The following TBCEL variants were observed in gnomAD, a reference collection of about 807,000 sequenced individuals.
The protein encoded by TBCEL is tubulin-specific chaperone cofactor E-like protein.
Under a neutral mutation model 44.2 loss-of-function variants are expected in TBCEL, and 15 were observed. The observed-to-expected ratio is 0.34, with a 90% CI of 0.23 to 0.52. The LOEUF (loss-of-function observed/expected upper bound fraction) is 0.52. Among genes scored for constraint, TBCEL ranks in the 20% least tolerant of loss-of-function variants. The pLI, the probability that TBCEL is intolerant of heterozygous loss-of-function variation, is 0.95. For missense variants in TBCEL, 319 were observed against 506.3 expected (o/e 0.63, Z 3.55); for synonymous variants, 171 against 185.4 (o/e 0.92, Z 0.63).
rs150919365 is a variant in TBCEL, at chr11:121,060,166, C to T, written c.956+81C>T. ...CTCTAGTGTTAGAGCAAAATCTAAT[C>T]ATTTGTTATTGGACCCTTCTTAGAG... On this transcript the variant is annotated intron_variant, in intron 8 of 8. Transcript: ENST00000683345. 7.9e-3 allele frequency: 7,483 copies of T among 943,234 alleles called. 37 individuals are homozygous for T. Among genetic ancestry groups the T allele is most frequent in the Non-Finnish European group, 0.011 (6,352 of 600,446 alleles). 58.4% of individuals were successfully genotyped at this position (943,234 alleles called of 1,614,324 possible).
Position 121,059,963 on chromosome 11 carries a change from T to G in TBCEL, c.840-6T>G. On this transcript the variant is annotated splice_polypyrimidine_tract_variant and splice_region_variant and intron_variant, in intron 7 of 8. Transcript: ENST00000683345. ...AAAATGTCTTTATTTTGGTTTTAAC[T>G]TATAGATTGCCATCAGTTTCCAAAC... 6.2e-7 allele frequency: 1 copy of G among 1,600,838 alleles called. No individual in the cohort carries two copies. Among genetic ancestry groups the G allele is most frequent in the Non-Finnish European group, 8.5e-7 (1 of 1,170,752 alleles).
intron 8 of TBCEL, among the ~76,000 whole-genome samples, chr11:121,061,376 G>A (rs1260765220): frequency 6.6e-6 from 1 of 151,912 alleles, no homozygotes; most frequent in African/African-American, 2.4e-5. Context: ...TATGTAGACA[G>A]ACACACACAT....
chr11:121,034,332 T>C (rs1400602469), intron 1 of TBCEL, among the ~76,000 whole-genome samples: 1 of 152,194 alleles, frequency 6.6e-6, no homozygotes, highest in Non-Finnish European at 1.5e-5. Context: ...AAAAATCATA[T>C]ATTCAGTATG....
At chr11:121,066,862 C>T (rs1351269036) in intron 8 of TBCEL, among the ~76,000 whole-genome samples, 1 of 152,154 alleles carries the variant, frequency 6.6e-6, no homozygotes, top group Non-Finnish European at 1.5e-5. Flanking sequence ...TTCAGTGTCT[C>T]ATATAAAATT....
chr11:121,037,299 A>T (rs778600526), intron 2 of TBCEL, among the ~76,000 whole-genome samples: 4 of 152,242 alleles, frequency 2.6e-5, no homozygotes, highest in Non-Finnish European at 5.9e-5. Flanking sequence ...GAATTGGCTA[A>T]CTATAATTCT....
Position 121,057,701 on chromosome 11 carries a change from T to G in TBCEL, c.713-644T>G. On this transcript the variant is annotated intron_variant, in intron 6 of 8. Coordinates refer to ENST00000683345, the MANE Select transcript of TBCEL (RefSeq NM_001363644.2). ...CAGTATCACAATTATTTACATTGTA[T>G]TAGCTATTAAAAGTAACCTAGAGAT... The G allele has an allele frequency of 6.9e-6, 3 of 435,356 alleles. No individual in the cohort carries two copies. In the Admixed American group the frequency reaches 7.5e-5, roughly 11 times the overall value. 27.0% of individuals were successfully genotyped at this position (435,356 alleles called of 1,614,324 possible). A position where few individuals can be genotyped will look rare whatever the true frequency, so the allele number is the denominator to read the frequency against.
At chr11:121,049,852 C>T (rs745692383) in intron 4 of TBCEL, among the ~76,000 whole-genome samples, 7 of 151,670 alleles carry the variant, frequency 4.6e-5, no homozygotes, top group Admixed American at 2.0e-4. Context: ...CAGCATTTTT[C>T]CCTGCTTAGA....
At chr11:121,077,977 G>A (rs932011828) in intron 8 of TBCEL, among the ~76,000 whole-genome samples, 4 of 151,786 alleles carry the variant, frequency 2.6e-5, no homozygotes, top group South Asian at 2.1e-4. Context: ...GTTAGAGAAC[G>A]TACGTTTTAC....
intron 1 of TBCEL, among the ~76,000 whole-genome samples, chr11:121,028,872 T>C (rs931313099): frequency 6.6e-6 from 1 of 152,226 alleles, no homozygotes; most frequent in Non-Finnish European, 1.5e-5. Context: ...TTTAGAAGAA[T>C]TGGTATCAAA....
chr11:121,075,128 C>T (rs1946010014), intron 8 of TBCEL, among the ~76,000 whole-genome samples: 1 of 151,850 alleles, frequency 6.6e-6, no homozygotes. Flanking sequence ...TCTGGAGGAC[C>T]TCATTCAACA....
chr11:121,053,667 A>G lies in TBCEL; in HGVS notation c.390A>G (p.Lys130=). ...CTGGGTCCTTCTCTGGGGTTCGCAA[A>G]CTTGTCCTCAACAACAGCAAAGCTT... is the stretch of plus-strand genomic sequence containing the variant. ...TCAGSFSGVR[K]LVLNNSKASW... is the part of the protein sequence containing the mutation. The change falls in exon 5 of 9, where the codon AAA becomes AAG. Residue 130 remains lysine, a synonymous_variant. Transcript: ENST00000683345. 1 of 1,612,294 alleles carries G rather than the reference A, an allele frequency of 6.2e-7. No individual in the cohort carries two copies. The highest frequency in any genetic ancestry group is 8.5e-7 in the Non-Finnish European group (1 of 1,178,960).
intron 8 of TBCEL, among the ~76,000 whole-genome samples, chr11:121,077,330 G>A (rs973898636): frequency 6.6e-6 from 1 of 152,024 alleles, no homozygotes; most frequent in African/African-American, 2.4e-5. Context: ...CATGATTCAA[G>A]TTATCTGTTT....
chr11:121,029,528 T>C (rs1021727134), intron 1 of TBCEL, among the ~76,000 whole-genome samples: 1 of 152,224 alleles, frequency 6.6e-6, no homozygotes, highest in Non-Finnish European at 1.5e-5. Context: ...AAGTAACTTG[T>C]TCAAATTACA....
At chr11:121,079,849 C>G (rs1221619017) in intron 8 of TBCEL, among the ~76,000 whole-genome samples, 2 of 152,188 alleles carry the variant, frequency 1.3e-5, no homozygotes, top group African/African-American at 4.8e-5. Context: ...GAGTCTCACT[C>G]TGTCACCCAG....
intron 2 of TBCEL, among the ~76,000 whole-genome samples, chr11:121,037,983 G>A (rs191254700): frequency 0.01 from 1,514 of 149,838 alleles, 20 homozygotes; most frequent in African/African-American, 0.03. Flanking sequence ...TTTTTTAGAC[G>A]GAGTCTTGCT....
At chr11:121,036,857 T>C (rs1193115036) in intron 2 of TBCEL, among the ~76,000 whole-genome samples, 1 of 152,234 alleles carries the variant, frequency 6.6e-6, no homozygotes, top group African/African-American at 2.4e-5. Context: ...GTAGAAAATA[T>C]AGACAGCTCT....
intron 8 of TBCEL, among the ~76,000 whole-genome samples, chr11:121,086,317 CA>C (rs1555119045): frequency 3.3e-5 from 5 of 152,180 alleles, no homozygotes; most frequent in Non-Finnish European, 7.4e-5. Context: ...TAATTAGTAA[CA>C]AAGAACTACA....
intron 4 of TBCEL, 36 bp downstream of exon 4, chr11:121,047,703 C>T: frequency 6.2e-7 from 1 of 1,606,120 alleles, no homozygotes; most frequent in Non-Finnish European, 8.5e-7. Context: ...TAGTGAAAAG[C>T]AGCAATAACC....
chr11:121,042,529 A>C (rs1031697156), intron 2 of TBCEL, among the ~76,000 whole-genome samples: 1 of 152,200 alleles, frequency 6.6e-6, no homozygotes, highest in Non-Finnish European at 1.5e-5. Flanking sequence ...TAGAAAGAAC[A>C]AAGTGTCTTG....
Sources: allele counts gnomAD v4.1 joint callset (sites outside exome capture counted in the v4.1 genomes callset), GRCh38; gene constraint gnomAD v4.1.1; transcripts MANE v1.5; gene names NCBI Gene and HGNC (gene_info 2026-07-23, HGNC 2026-07-21).